The following PTPN12 variants were observed in gnomAD, a reference collection of about 807,000 sequenced individuals.
PTPN12 encodes the protein protein tyrosine phosphatase non-receptor type 12.
A neutral mutation model predicts 97.6 loss-of-function variants in PTPN12; 29 were observed. The observed-to-expected ratio is 0.30, with a 90% CI of 0.22 to 0.41. The LOEUF (loss-of-function observed/expected upper bound fraction) is 0.41, where lower values mean the gene tolerates loss of function less well. PTPN12 is among the 10% of genes least tolerant of loss of function. The probability of loss-of-function intolerance (pLI) is 1.00; values close to 1 mark genes in which losing one functional copy is unlikely to be tolerated. For missense variants in PTPN12, 819 were observed against 926.0 expected, an observed-to-expected ratio of 0.88 and a Z score of 1.50; for synonymous variants, 327 against 300.4, an observed-to-expected ratio of 1.09 and a Z score of -0.91.
At chr7:77,597,709 T>C (rs1171245835) in intron 6 of PTPN12, 133 bp from the exon 7 acceptor site, 22 of 1,180,458 alleles carry the variant, frequency 1.9e-5, no homozygotes, top group Non-Finnish European at 2.5e-5. Flanking sequence ...AATTTTTTTA[T>C]AATTATCAGG....
At chr7:77,589,453 T>C (rs1787796805) in intron 5 of PTPN12, among the ~76,000 whole-genome samples, 1 of 152,194 alleles carries the variant, frequency 6.6e-6, no homozygotes, top group Non-Finnish European at 1.5e-5. Flanking sequence ...GGCATACAAA[T>C]CAAACTTACA....
chr7:77,627,507 G>A lies in PTPN12; in HGVS notation c.1828G>A (p.Glu610Lys), dbSNP rs763305030. 88 of 1,613,862 alleles carry A rather than the reference G, an allele frequency of 5.5e-5. No homozygotes were observed. The highest frequency in any genetic ancestry group is 7.0e-5 in the Non-Finnish European group (83 of 1,179,920). ...TCACTCTGATGACTCAGACTCAGAT[G>A]AAAGAAACTCTGATGGTGCTGTGAC... is the stretch of plus-strand genomic sequence containing the variant. ...PLHSDDSDSDERNSDGAVTQN... is the reference protein window; with the variant it reads ...PLHSDDSDSDKRNSDGAVTQN... Residue 610 changes from glutamate (E) to lysine (K), a missense_variant, in exon 13 of 18, where the codon GAA (glutamate) becomes AAA (lysine). By Grantham distance (56) the Glu-to-Lys change is moderately conservative. This residue lies in a region of PTPN12 where 607 missense variants were observed against 577.3 expected (regional missense o/e 1.05). Coordinates refer to ENST00000248594, the MANE Select transcript of PTPN12 (RefSeq NM_002835.4).
rs1806699470 is a variant in PTPN12 at position 77,537,320 on chromosome 7, T to A, written c.-227T>A. 1 of 456,446 alleles carries A rather than the reference T, an allele frequency of 2.2e-6. No individual in the cohort carries two copies. Among genetic ancestry groups the A allele is most frequent in the Non-Finnish European group, 3.6e-6 (1 of 275,310 alleles). 28.3% of individuals were successfully genotyped at this position (456,446 alleles called of 1,614,324 possible). A position where few individuals can be genotyped will look rare whatever the true frequency, so the allele number is the denominator to read the frequency against. On this transcript the variant is annotated 5_prime_UTR_variant, in exon 1 of 18. Coordinates refer to ENST00000248594, the MANE Select transcript of PTPN12 (RefSeq NM_002835.4). ...GCTAGCGCAGCGGCTCGCCTGGTAC[T>A]GTGGGAGAGCGGCGGCTGCTCCTGG... is the stretch of plus-strand genomic sequence containing the variant.
chr7:77,639,391 G>A lies in PTPN12; in HGVS notation c.*111G>A. The A allele has an allele frequency of 1.2e-6, 1 of 842,992 alleles. No individual in the cohort carries two copies. The highest frequency in any genetic ancestry group is 1.8e-6 in the Non-Finnish European group (1 of 544,874). 52.2% of individuals were successfully genotyped at this position (842,992 alleles called of 1,614,324 possible). A position where few individuals can be genotyped will look rare whatever the true frequency, so the allele number is the denominator to read the frequency against. On this transcript the variant is annotated 3_prime_UTR_variant, in exon 18 of 18. Transcript: ENST00000248594. ...TGTGGGACTAACAGCAGTGTAGATT[G>A]TTACCTTAATATTTTTTGCTGGGAC...
chr7:77,631,872 A>C (rs1290845804), intron 13 of PTPN12, among the ~76,000 whole-genome samples: 1 of 152,244 alleles, frequency 6.6e-6, no homozygotes, highest in East Asian at 1.9e-4. Flanking sequence ...GTACACAGTT[A>C]AGTTTAAAAT....
chr7:77,544,209 G>A (rs1046001216), intron 1 of PTPN12, among the ~76,000 whole-genome samples: 1 of 152,174 alleles, frequency 6.6e-6, no homozygotes, highest in Non-Finnish European at 1.5e-5. Flanking sequence ...ATCCTACTGG[G>A]TGTGAAGTGG....
chr7:77,626,925 C>T lies in PTPN12; in HGVS notation c.1246C>T (p.Pro416Ser). ...NRNYSKSTEL[P>S]GKNESTIEQI... ...AAACTATAGTAAATCAACAGAACTT[C>T]CAGGGAAAAATGAATCAACAATTGA... Residue 416 changes from proline (P) to serine (S), a missense_variant, in exon 13 of 18, where the codon CCA (proline) becomes TCA (serine). Transcript: ENST00000248594. 6.2e-7 allele frequency: 1 copy of T among 1,607,852 alleles called. No homozygotes were observed. Among genetic ancestry groups the T allele is most frequent in the Non-Finnish European group, 8.5e-7 (1 of 1,178,046 alleles).
chr7:77,600,885 G>A, intron 8 of PTPN12, 79 bp downstream of exon 8: 8 of 1,228,704 alleles, frequency 6.5e-6, no homozygotes, highest in Non-Finnish European at 9.0e-6. Flanking sequence ...GCATTAATAT[G>A]TTAGTAATCT....
At chr7:77,543,587 T>C (rs1807085274) in intron 1 of PTPN12, among the ~76,000 whole-genome samples, 1 of 152,198 alleles carries the variant, frequency 6.6e-6, no homozygotes. Flanking sequence ...ACTAGTTTTT[T>C]ATTACATTGA....
At chr7:77,576,515 G>A (rs1400651037) in intron 2 of PTPN12, among the ~76,000 whole-genome samples, 2 of 151,940 alleles carry the variant, frequency 1.3e-5, no homozygotes. Context: ...TGGCCAATAC[G>A]GTGAAACCCC....
At chr7:77,634,084 T>C (rs1789500041) in intron 14 of PTPN12, among the ~76,000 whole-genome samples, 2 of 151,988 alleles carry the variant, frequency 1.3e-5, no homozygotes, top group South Asian at 4.2e-4. Context: ...CCTGTAGTCC[T>C]TGCTACTCAG....
intron 1 of PTPN12, among the ~76,000 whole-genome samples, chr7:77,539,611 T>C (rs1396889322): frequency 6.6e-6 from 1 of 151,790 alleles, no homozygotes; most frequent in African/African-American, 2.4e-5. Context: ...TTTTGTTGTT[T>C]GGTTGGTTGG....
chr7:77,588,184 A>G (rs75517352), intron 5 of PTPN12, among the ~76,000 whole-genome samples: 2,416 of 152,264 alleles, frequency 0.016, 62 homozygotes, highest in African/African-American at 0.054. Context: ...CTTTCTGCCT[A>G]TCTCAGTTTT....
chr7:77,631,838 A>C lies in PTPN12; in HGVS notation c.1997-510A>C, dbSNP rs142293131. Among the ~76,000 whole-genome samples the C allele has an allele frequency of 2.6e-4, 39 of 152,320 alleles. No individual in the cohort carries two copies. The East Asian group carries it at 7.3e-3, about 29-fold the overall frequency. ...TAGTATTTCCAATGTTATTTCAGTT[A>C]TTGCTGTTTAAGACATGACTGAGGT... On this transcript the variant is annotated intron_variant, in intron 13 of 17. Transcript: ENST00000248594.
At chr7:77,581,607 A>G in intron 3 of PTPN12, 104 bp downstream of exon 3, 1 of 547,504 alleles carries the variant, frequency 1.8e-6, no homozygotes, top group Non-Finnish European at 3.1e-6. Context: ...ACCAACAGCA[A>G]AAGAAATAAA....
chr7:77,611,001 A>G lies in PTPN12; in HGVS notation c.894A>G (p.Leu298=), dbSNP rs778696281. 3.1e-6 allele frequency: 5 copies of G among 1,613,518 alleles called. No homozygotes were observed. Among genetic ancestry groups the G allele is most frequent in the Non-Finnish European group, 4.2e-6 (5 of 1,179,696 alleles). Residue 298 remains leucine (L), a synonymous_variant, in exon 11 of 18, where the codon CTA becomes CTG. Coordinates refer to ENST00000248594, the MANE Select transcript of PTPN12 (RefSeq NM_002835.4). ...TTGCCCAACTGTTTGAAAAACAGCT[A>G]CAACTATATGAAATTCATGGAGCTC... ...RAIAQLFEKQ[L]QLYEIHGAQK... is the part of the protein sequence containing the mutation.
In PTPN12 at chr7:77,625,508, TCTCTCTCTCTCTCTCA is replaced by T. The variant is rs1270800042; in HGVS notation, c.1026-1191_1026-1176del. On this transcript the variant is annotated intron_variant, in intron 12 of 17. Coordinates refer to ENST00000248594, the MANE Select transcript of PTPN12 (RefSeq NM_002835.4). ...CTCTCTCTCTCTCTCTCTCTCTCTC[TCTCTCTCTCTCTCTCA>T]CTCTCACTCTCACTCGCGCTCTCTC... is the stretch of plus-strand genomic sequence containing the variant. Among the ~76,000 whole-genome samples, 31 of 108,992 alleles carry T rather than the reference TCTCTCTCTCTCTCTCA, an allele frequency of 2.8e-4. 2 individuals are homozygous for T. The highest frequency in any genetic ancestry group is 1.3e-3 in the Admixed American group (13 of 10,072). 71.5% of individuals were successfully genotyped at this position (108,992 alleles called of 152,430 possible). A position where few individuals can be genotyped will look rare whatever the true frequency, so the allele number is the denominator to read the frequency against.
At chr7:77,634,449 CA>C (rs1789514618) in intron 14 of PTPN12, among the ~76,000 whole-genome samples, 1 of 151,228 alleles carries the variant, frequency 6.6e-6, no homozygotes, top group Non-Finnish European at 1.5e-5. Flanking sequence ...TTTATTTATT[CA>C]TTTTTTTGAG....
At position 77,557,392 on chromosome 7, in the gene PTPN12, C is replaced by T. The variant is rs117203711; in HGVS notation, c.100-13686C>T. Among the ~76,000 whole-genome samples the T allele has an allele frequency of 1.9e-4, 29 of 152,246 alleles. No homozygotes were observed. The East Asian group carries it at 3.9e-3, about 20-fold the overall frequency. On this transcript the variant is annotated intron_variant, in intron 1 of 17. Transcript: ENST00000248594. ...TCTGCTCTGATTACTCGTGATTCTC[C>T]GTATTCACCTTCTGTCTCTCCAGTT... is the stretch of plus-strand genomic sequence containing the variant.
Sources: gnomAD v4.1 joint callset for allele counts (sites outside exome capture counted in the v4.1 genomes callset) on GRCh38, gnomAD v4.1.1 for gene constraint, gnomAD v4.1.1 regional missense constraint, MANE v1.5 for transcripts, NCBI Gene and HGNC (gene_info 2026-07-23, HGNC 2026-07-21) for gene names.